The following ACLY variants were observed in gnomAD, a reference collection of about 807,000 sequenced individuals.
ACLY encodes the protein ATP citrate lyase, also known as ATP-citrate synthase.
In ACLY, 41 loss-of-function variants were observed where a neutral mutation model predicts 133.0. The observed-to-expected ratio is 0.31, with a 90% CI of 0.24 to 0.40. The LOEUF is 0.40. Ranked by LOEUF, ACLY falls within the 10% of genes least tolerant of loss-of-function variation. The probability of loss-of-function intolerance (pLI) is 1.00; values close to 1 mark genes in which losing one functional copy is unlikely to be tolerated. For synonymous variants in ACLY, 495 were observed against 549.3 expected (o/e 0.90, Z 1.38); for missense variants, 1,046 against 1,453.8 (o/e 0.72, Z 4.56).
Position 41,894,520 on chromosome 17 carries a change from G to A in ACLY, c.1460-1346C>T, listed in dbSNP as rs538313153. On this transcript the variant is annotated intron_variant, in intron 14 of 28. Transcript: ENST00000352035. ...GAGGATCACTTGAGCCCAGGAATTCGAAACCAGCCACCGCGGCATAGTGAG... is the reference window on the plus strand; with the variant it reads ...GAGGATCACTTGAGCCCAGGAATTCAAAACCAGCCACCGCGGCATAGTGAG... Among the ~76,000 whole-genome samples, 5 of 149,120 alleles carry A rather than the reference G, an allele frequency of 3.4e-5. No homozygotes were observed. In the South Asian group the frequency reaches 6.4e-4, roughly 19 times the overall value.
At chr17:41,904,904 C>T (rs1555632300) in intron 9 of ACLY, 114 bp from the exon 10 acceptor site, 3 of 995,298 alleles carry the variant, frequency 3.0e-6, no homozygotes, top group Non-Finnish European at 4.7e-6. Flanking sequence ...CCCCATCTGC[C>T]AGGAGGTACT....
At chr17:41,914,785 T>C (rs1555634247) in intron 1 of ACLY, among the ~76,000 whole-genome samples, 2 of 152,142 alleles carry the variant, frequency 1.3e-5, no homozygotes. Context: ...CTCCATCACA[T>C]GTATAGGAAA....
chr17:41,907,945 A>C lies in ACLY; in HGVS notation c.617-373T>G, dbSNP rs191598088. On this transcript the variant is annotated intron_variant, in intron 6 of 28. Transcript: ENST00000352035. ...GTTTAAAGGTACATGTTGCTGACAGAAGACCCCCCACCGGTATGCACATCT... is the reference window on the plus strand; with the variant it reads ...GTTTAAAGGTACATGTTGCTGACAGCAGACCCCCCACCGGTATGCACATCT... 2.6e-5 allele frequency among the ~76,000 whole-genome samples: 4 copies of C among 152,238 alleles called. No homozygotes were observed. In the East Asian group the frequency reaches 7.7e-4, roughly 29 times the overall value.
chr17:41,868,797 A>T lies in ACLY; in HGVS notation c.3135-12T>A. On this transcript the variant is annotated splice_polypyrimidine_tract_variant and intron_variant, in intron 27 of 28. Coordinates refer to ENST00000352035, the MANE Select transcript of ACLY (RefSeq NM_001096.3). The stretch of plus-strand genomic sequence containing the variant: ...CATCAGCTTCCTCCCTGCAACACAC[A>T]TCAACTTGTAGTTTTAAAAGGCTCA... 6.2e-7 allele frequency: 1 copy of T among 1,613,442 alleles called. No individual in the cohort carries two copies.
Position 41,912,423 on chromosome 17 carries a change from G to A in ACLY, c.279C>T (p.Ala93=). The A allele has an allele frequency of 6.2e-7, 1 of 1,614,040 alleles. No individual in the cohort carries two copies. Among genetic ancestry groups the A allele is most frequent in the Non-Finnish European group, 8.5e-7 (1 of 1,179,978 alleles). The change falls in exon 3 of 29, where the codon GCC becomes GCT. Residue 93 remains alanine, a synonymous_variant. Coordinates refer to ENST00000352035, the MANE Select transcript of ACLY (RefSeq NM_001096.3). The part of the protein sequence containing the change: ...SWLKPRLGQE[A]TVGKATGFLK... ...TCCTGACCCCATGCCCACTCACTGTGGCTTCCTGTCCCAGCCGTGGCTTCA... is the reference window on the plus strand; with the variant it reads ...TCCTGACCCCATGCCCACTCACTGTAGCTTCCTGTCCCAGCCGTGGCTTCA...
chr17:41,910,340 G>C lies in ACLY; in HGVS notation c.283-56C>G, dbSNP rs1033606742. ...GAGGGACAGCACGTCTTGCCCCTAG[G>C]GCAGAAGGAGGGACTGCACAGGGGT... On this transcript the variant is annotated intron_variant, in intron 3 of 28. Transcript: ENST00000352035. The C allele has an allele frequency of 8.6e-6, 13 of 1,512,822 alleles. No homozygotes were observed. The Middle Eastern group carries it at 6.8e-4, about 79-fold the overall frequency. 93.7% of individuals were successfully genotyped at this position (1,512,822 alleles called of 1,614,324 possible).
At chr17:41,904,672 T>A (rs1598027787) in intron 10 of ACLY, 57 bp downstream of exon 10, 1 of 1,543,846 alleles carries the variant, frequency 6.5e-7, no homozygotes, top group African/African-American at 1.4e-5. Context: ...CAAGGCCCCT[T>A]CCCTGCTTTC....
intron 22 of ACLY, among the ~76,000 whole-genome samples, chr17:41,875,186 T>C (rs943186533): frequency 2.0e-5 from 3 of 151,858 alleles, no homozygotes; most frequent in South Asian, 2.1e-4. Flanking sequence ...CCATTATCTA[T>C]TGAAACTACA....
intron 4 of ACLY, 118 bp downstream of exon 4, chr17:41,910,104 C>G: frequency 9.7e-7 from 1 of 1,029,552 alleles, no homozygotes; most frequent in East Asian, 2.6e-5. Context: ...AGTGCAGCTT[C>G]AGGGACCCTG....
chr17:41,899,924 G>T (rs2049479953), intron 11 of ACLY, among the ~76,000 whole-genome samples: 1 of 151,496 alleles, frequency 6.6e-6, no homozygotes, highest in African/African-American at 2.4e-5. Flanking sequence ...CAAAAATTGT[G>T]TATTTATTGT....
chr17:41,925,096 C>T (rs1181512342), intron 1 of ACLY, among the ~76,000 whole-genome samples: 3 of 151,450 alleles, frequency 2.0e-5, no homozygotes, highest in South Asian at 2.1e-4. Flanking sequence ...AGTGAAGTGG[C>T]GCGATCTCCG....
rs782052864 is a variant in ACLY, at chr17:41,907,516, C to T, written c.673G>A (p.Ala225Thr). 3 of 1,614,010 alleles carry T rather than the reference C, an allele frequency of 1.9e-6. No individual in the cohort carries two copies. Among genetic ancestry groups the T allele is most frequent in the Non-Finnish European group, 1.7e-6 (2 of 1,180,000 alleles). The change falls in exon 7 of 29, where the codon GCC becomes ACC. Residue 225 changes from alanine to threonine, a missense_variant. Transcript: ENST00000352035. ...LDLAAKVDAT[A>T]DYICKVKWGD... ...CACTTCACTTTGCAGATGTAGTCGG[C>T]AGTGGCGTCCACCTTGGCCGCCAAG...
intron 22 of ACLY, among the ~76,000 whole-genome samples, chr17:41,874,574 C>CTTT (rs1172812451): frequency 3.1e-5 from 4 of 130,366 alleles, no homozygotes; most frequent in African/African-American, 1.1e-4. Flanking sequence ...TCCATTGCTT[C>CTTT]TTTTTTTTTT....
upstream of ACLY, among the ~76,000 whole-genome samples, chr17:41,919,311 G>T (rs1305964675): frequency 1.3e-5 from 2 of 151,866 alleles, no homozygotes; most frequent in African/African-American, 4.8e-5. Flanking sequence ...AGTTGGGGGA[G>T]GGGCGGGTAG....
chr17:41,892,865 T>C (rs2049253772), intron 15 of ACLY, among the ~76,000 whole-genome samples, 168 bp downstream of exon 15: 1 of 152,048 alleles, frequency 6.6e-6, no homozygotes, highest in African/African-American at 2.4e-5. Context: ...TCTGTAGAGA[T>C]GGGGGTCTCC....
At chr17:41,907,711 G>C in intron 6 of ACLY, 139 bp from the exon 7 acceptor site, 1 of 960,074 alleles carries the variant, frequency 1.0e-6, no homozygotes. Context: ...AGAAACCAGA[G>C]AGGCCCTTAT....
chr17:41,919,170 T>C (rs1195968013), upstream of ACLY: 4 of 906,436 alleles, frequency 4.4e-6, no homozygotes, highest in African/African-American at 5.6e-5. Flanking sequence ...ATCCACCGCC[T>C]CTTGGGAGCC....
chr17:41,889,779 G>A (rs1024747771), intron 16 of ACLY, among the ~76,000 whole-genome samples: 16 of 151,826 alleles, frequency 1.1e-4, no homozygotes, highest in East Asian at 3.9e-4. Flanking sequence ...TCCACCTCCC[G>A]GATTCAAGTG....
At chr17:41,873,667 TC>T in intron 23 of ACLY, 143 bp downstream of exon 23, 1 of 1,017,984 alleles carries the variant, frequency 9.8e-7, no homozygotes, top group Non-Finnish European at 1.3e-6. Context: ...TATGTGTCCT[TC>T]CTCTGGCCGC....
Sources: gnomAD v4.1 joint callset for allele counts (sites outside exome capture counted in the v4.1 genomes callset) on GRCh38, gnomAD v4.1.1 for gene constraint, MANE v1.5 for transcripts, NCBI Gene and HGNC (gene_info 2026-07-23, HGNC 2026-07-21) for gene names.